BDP1: variants seen among roughly 807,000 people sequenced by gnomAD.
The protein encoded by BDP1 is transcription factor TFIIIB component B'' homolog.
A neutral mutation model predicts 266.6 loss-of-function variants in BDP1; 169 were observed. The observed-to-expected ratio is 0.63, with a 90% CI of 0.56 to 0.72. The LOEUF (loss-of-function observed/expected upper bound fraction) is 0.72, where lower values mean the gene tolerates loss of function less well. BDP1 is among the 30% of genes least tolerant of loss of function. The pLI, the probability that BDP1 is intolerant of heterozygous loss-of-function variation, is 0.00. For synonymous variants in BDP1, 1,090 were observed against 1,022.4 expected (o/e 1.07, Z -1.26); for missense variants, 3,015 against 3,053.8 (o/e 0.99, Z 0.30).
intron 34 of BDP1, among the ~76,000 whole-genome samples, chr5:71,551,892 C>T (rs1742796425): frequency 6.8e-6 from 1 of 146,932 alleles, no homozygotes; most frequent in African/African-American, 2.5e-5. Context: ...GGCAGCTGGC[C>T]AGGCGGGGGG....
In BDP1 at chr5:71,525,500, CT is replaced by C. The variant is rs1161920689; in HGVS notation, c.5772+1178del. 2.7e-4 allele frequency among the ~76,000 whole-genome samples: 37 copies of C among 139,204 alleles called. 3 individuals are homozygous for C. Among genetic ancestry groups the C allele is most frequent in the African/African-American group, 7.7e-4 (29 of 37,512 alleles). 91.3% of individuals were successfully genotyped at this position (139,204 alleles called of 152,430 possible). A position where few individuals can be genotyped will look rare whatever the true frequency, so the allele number is the denominator to read the frequency against. Reference sequence around the variant, plus strand: ...CTGGCCGGGCGGGGGGCTGACACCCCTACCTCCCTCCCGGACGGGGCGGCTG... The same window carrying C: ...CTGGCCGGGCGGGGGGCTGACACCCCACCTCCCTCCCGGACGGGGCGGCTG... On this transcript the variant is annotated intron_variant, in intron 25 of 38. Coordinates refer to ENST00000358731, the MANE Select transcript of BDP1 (RefSeq NM_018429.3).
intron 22 of BDP1, among the ~76,000 whole-genome samples, chr5:71,521,154 T>A (rs1458019197): frequency 1.4e-5 from 2 of 144,220 alleles, no homozygotes; most frequent in Non-Finnish European, 3.0e-5. Context: ...ACCATTGCAC[T>A]CCAGCCTGGG....
chr5:71,533,483 T>G (rs1766383963), intron 26 of BDP1, among the ~76,000 whole-genome samples: 1 of 151,616 alleles, frequency 6.6e-6, no homozygotes, highest in African/African-American at 2.4e-5. Flanking sequence ...TTTTTTTTTT[T>G]TTGAGACGGC....
chr5:71,513,945 G>A (rs1274253036), intron 19 of BDP1, among the ~76,000 whole-genome samples: 1 of 151,296 alleles, frequency 6.6e-6, no homozygotes, highest in Non-Finnish European at 1.5e-5. Context: ...GGCTGATCTC[G>A]AACTCCTAAC....
intron 34 of BDP1, among the ~76,000 whole-genome samples, chr5:71,550,376 GA>G (rs1362798455): frequency 3.3e-4 from 48 of 146,042 alleles, no homozygotes; most frequent in East Asian, 1.6e-3. Flanking sequence ...ATAGAGTGAG[GA>G]AAAAAAAAAA....
chr5:71,461,906 A>T lies in BDP1; in HGVS notation c.579A>T (p.Leu193=). Residue 193 remains leucine, a synonymous_variant, in exon 3 of 39, where the codon CTA becomes CTT. Transcript: ENST00000358731. ...KMTMRDFIYY[L]PDNNPMTSSL... ...CTATGAGAGACTTCATATATTATCT[A>T]CCAGATAATAATCCAATGACGTAAG... is the stretch of plus-strand genomic sequence containing the variant. 1 of 1,518,812 alleles carries T rather than the reference A, an allele frequency of 6.6e-7. No individual in the cohort carries two copies. Among genetic ancestry groups the T allele is most frequent in the Non-Finnish European group, 9.1e-7 (1 of 1,099,288 alleles). The allele number at this position is 1,518,812 out of a possible 1,614,324, so 94.1% of individuals were successfully genotyped here. A position where few individuals can be genotyped will look rare whatever the true frequency, so the allele number is the denominator to read the frequency against.
intron 2 of BDP1, among the ~76,000 whole-genome samples, chr5:71,461,117 C>T (rs976480920): frequency 6.6e-6 from 1 of 152,088 alleles, no homozygotes; most frequent in Non-Finnish European, 1.5e-5. Context: ...GTAGCTGTGG[C>T]TATAGGCATA....
intron 16 of BDP1, among the ~76,000 whole-genome samples, chr5:71,509,198 A>G (rs756253980): frequency 6.6e-6 from 1 of 152,206 alleles, no homozygotes. Flanking sequence ...GTGAATGACA[A>G]TTGGAAAGAC....
At chr5:71,552,806 C>G (rs1202703337) in intron 34 of BDP1, among the ~76,000 whole-genome samples, 1 of 142,690 alleles carries the variant, frequency 7.0e-6, no homozygotes, top group Non-Finnish European at 1.5e-5. Context: ...AGAGGGAGAC[C>G]GTGGAAAGAG....
intron 34 of BDP1, among the ~76,000 whole-genome samples, chr5:71,551,995 G>A (rs1195149070): frequency 2.0e-5 from 3 of 148,636 alleles, no homozygotes; most frequent in African/African-American, 4.9e-5. Flanking sequence ...CTGGCCTGGC[G>A]AGGGCTGACC....
chr5:71,577,801 G>T, the BDP1 span, among the ~76,000 whole-genome samples: 3 of 152,164 alleles, frequency 2.0e-5, no homozygotes, highest in South Asian at 6.2e-4. Flanking sequence ...GAATAATGTT[G>T]TTTTGTCTCT....
intron 1 of BDP1, among the ~76,000 whole-genome samples, chr5:71,457,330 G>GTTTT (rs953152208): frequency 9.2e-6 from 1 of 109,004 alleles, no homozygotes; most frequent in African/African-American, 3.4e-5. Context: ...TTTTTAATTA[G>GTTTT]TTTTTTTTTT....
At chr5:71,483,092 T>A (rs1344687617) in intron 7 of BDP1, among the ~76,000 whole-genome samples, 4 of 152,180 alleles carry the variant, frequency 2.6e-5, no homozygotes, top group African/African-American at 9.6e-5. Flanking sequence ...TTATGTGATA[T>A]TCTCTCTCTC....
chr5:71,491,205 G>A, intron 11 of BDP1, 74 bp downstream of exon 11: 2 of 1,387,086 alleles, frequency 1.4e-6, no homozygotes, highest in Non-Finnish European at 2.0e-6. Context: ...GTCTCCATCT[G>A]TAACTGTGGA....
rs1312691147 is a variant in BDP1 at position 71,497,208 on chromosome 5, T to TTCCC, written c.1800-61_1800-60insCCCT. ...TCTTCCTAATTCTCAGTAGGTTATT[T>TTCCC]TAGAAGTTCATTTGGACATGACTGC... On this transcript the variant is annotated intron_variant, in intron 12 of 38. Transcript: ENST00000358731. 97 of 1,463,802 alleles carry TTCCC rather than the reference T, an allele frequency of 6.6e-5. No homozygotes were observed. The Admixed American group carries it at 1.8e-3, about 27-fold the overall frequency. The allele number at this position is 1,463,802 out of a possible 1,614,324, so 90.7% of individuals were successfully genotyped here.
At chr5:71,558,923 G>A (rs569722202) in intron 36 of BDP1, among the ~76,000 whole-genome samples, 1 of 152,186 alleles carries the variant, frequency 6.6e-6, no homozygotes, top group Admixed American at 6.5e-5. Context: ...GGTTGCCAAA[G>A]TTGGTGGGTC....
chr5:71,527,268 G>A (rs577325912), intron 25 of BDP1, among the ~76,000 whole-genome samples: 93 of 152,034 alleles, frequency 6.1e-4, no homozygotes, highest in African/African-American at 2.0e-3. Flanking sequence ...CCCTAGCCTG[G>A]CAAAAAACCA....
At chr5:71,543,768 A>G (rs577202599) in intron 30 of BDP1, among the ~76,000 whole-genome samples, 4 of 152,220 alleles carry the variant, frequency 2.6e-5, no homozygotes, top group Non-Finnish European at 4.4e-5. Context: ...TTTTTCTTAC[A>G]ATGTTATGAC....
At chr5:71,460,208 C>T (rs914698234) in intron 2 of BDP1, among the ~76,000 whole-genome samples, 104 of 152,096 alleles carry the variant, frequency 6.8e-4, no homozygotes, top group African/African-American at 2.3e-3. Context: ...GGTGAAACCC[C>T]GTCTCTACTA....
Sources: gnomAD v4.1 joint callset for allele counts (sites outside exome capture counted in the v4.1 genomes callset) on GRCh38, gnomAD v4.1.1 for gene constraint, MANE v1.5 for transcripts, NCBI Gene and HGNC (gene_info 2026-07-23, HGNC 2026-07-21) for gene names.